The following FOCAD variants were observed in gnomAD, a reference collection of about 807,000 sequenced individuals.
FOCAD encodes the protein focadhesin, also known as KIAA1797.
In FOCAD, 198 loss-of-function variants were observed where a neutral mutation model predicts 225.6. The ratio of observed to expected loss-of-function variants is 0.88; its 90% CI spans 0.78 to 0.99. The LOEUF is 0.99. Among genes scored for constraint, FOCAD ranks in the 50% least tolerant of loss-of-function variants. FOCAD has a pLI of 0.00. For synonymous variants in FOCAD, 897 were observed against 755.0 expected, an observed-to-expected ratio of 1.19 and a Z score of -3.08; for missense variants, 2,713 against 2,123.6, an observed-to-expected ratio of 1.28 and a Z score of -5.46.
intron 27 of FOCAD, 65 bp downstream of exon 27, chr9:20,929,661 A>G (rs1835285057): frequency 5.5e-6 from 7 of 1,271,340 alleles, no homozygotes; most frequent in South Asian, 2.5e-5. Flanking sequence ...TTTTGCACCC[A>G]TATGCACCTA....
chr9:20,989,738 A>G (rs1048654309), intron 41 of FOCAD, among the ~76,000 whole-genome samples: 8 of 152,230 alleles, frequency 5.3e-5, no homozygotes, highest in Non-Finnish European at 1.0e-4. Context: ...AGTTTTGCCC[A>G]CATAACCATA....
intron 15 of FOCAD, among the ~76,000 whole-genome samples, chr9:20,845,833 T>A (rs1227921619): frequency 6.6e-6 from 1 of 152,118 alleles, no homozygotes; most frequent in Non-Finnish European, 1.5e-5. Flanking sequence ...AAATTTCTGA[T>A]TCTTTCATTT....
chr9:20,680,538 A>G (rs1822370864), upstream of FOCAD, among the ~76,000 whole-genome samples: 1 of 152,202 alleles, frequency 6.6e-6, no homozygotes, highest in Admixed American at 6.5e-5. Flanking sequence ...CTGGCAACAG[A>G]GCAAGACTCT....
intron 15 of FOCAD, among the ~76,000 whole-genome samples, chr9:20,838,500 T>G: frequency 6.6e-6 from 1 of 152,156 alleles, no homozygotes; most frequent in Non-Finnish European, 1.5e-5. Flanking sequence ...CATATGACTT[T>G]GATCTGAAAT....
chr9:20,756,630 T>C (rs1387638510), intron 5 of FOCAD, among the ~76,000 whole-genome samples: 2 of 152,214 alleles, frequency 1.3e-5, no homozygotes, highest in Non-Finnish European at 2.9e-5. Flanking sequence ...ACCACTGCTT[T>C]ATAGCAGTGC....
At position 20,906,016 on chromosome 9, in the gene FOCAD, A is replaced by G. The variant is rs183654372; in HGVS notation, c.2626-1134A>G. On this transcript the variant is annotated intron_variant, in intron 21 of 43. Coordinates refer to ENST00000338382, the MANE Select transcript of FOCAD (RefSeq NM_001375567.1). ...TAATCTCTTTGTTCTTTTTATTCCC[A>G]TGGATTCTTCCTATTTGTGTCCATT... 6.6e-5 allele frequency among the ~76,000 whole-genome samples: 10 copies of G among 151,298 alleles called. No homozygotes were observed. In the East Asian group the frequency reaches 1.6e-3, roughly 24 times the overall value.
intron 11 of FOCAD, among the ~76,000 whole-genome samples, chr9:20,808,155 G>C (rs1822665143): frequency 6.6e-6 from 1 of 152,202 alleles, no homozygotes; most frequent in Non-Finnish European, 1.5e-5. Context: ...AAGAACAGGA[G>C]TTTTTCAAAT....
intron 16 of FOCAD, chr9:20,863,647 T>C (rs1828977586): frequency 6.6e-6 from 1 of 152,102 alleles, no homozygotes; most frequent in Non-Finnish European, 1.5e-5. Context: ...AAGAATCAAT[T>C]TGTGACTGTG....
intron 28 of FOCAD, among the ~76,000 whole-genome samples, chr9:20,937,976 A>G (rs1836173651): frequency 6.6e-6 from 1 of 152,200 alleles, no homozygotes; most frequent in Non-Finnish European, 1.5e-5. Flanking sequence ...GACACATGAA[A>G]AAATGCTCAT....
chr9:20,962,413 C>T (rs10964767), intron 35 of FOCAD, among the ~76,000 whole-genome samples: 84 of 88,976 alleles, frequency 9.4e-4, no homozygotes, highest in Non-Finnish European at 1.8e-3. Flanking sequence ...TATATATACA[C>T]ACACACATAC....
intron 15 of FOCAD, among the ~76,000 whole-genome samples, chr9:20,862,194 T>C (rs1828831494): frequency 6.6e-6 from 1 of 152,112 alleles, no homozygotes; most frequent in Admixed American, 6.6e-5. Flanking sequence ...TGTGGATACC[T>C]GGCTTTAGAA....
chr9:20,759,041 C>G (rs1351115941), intron 6 of FOCAD, among the ~76,000 whole-genome samples: 1 of 151,988 alleles, frequency 6.6e-6, no homozygotes, highest in Non-Finnish European at 1.5e-5. Context: ...AATAAAATAC[C>G]TAGGAATCCA....
At chr9:20,814,624 C>A (rs1489663527) in intron 11 of FOCAD, among the ~76,000 whole-genome samples, 1 of 152,012 alleles carries the variant, frequency 6.6e-6, no homozygotes, top group African/African-American at 2.4e-5. Context: ...TCCCAGAGTA[C>A]TGAGATTACA....
chr9:20,838,443 G>A (rs1826200824), intron 15 of FOCAD, among the ~76,000 whole-genome samples: 1 of 151,974 alleles, frequency 6.6e-6, no homozygotes, highest in Non-Finnish European at 1.5e-5. Flanking sequence ...CTCTACTTAT[G>A]TAAATTGTCA....
intron 24 of FOCAD, among the ~76,000 whole-genome samples, chr9:20,922,704 G>A (rs1433884040): frequency 1.3e-5 from 2 of 152,192 alleles, no homozygotes; most frequent in African/African-American, 2.4e-5. Flanking sequence ...ATTCGGGTTT[G>A]AAGTCCAAAT....
At position 20,949,642 on chromosome 9, in the gene FOCAD, C is replaced by T. The variant is rs1837507892; in HGVS notation, c.3915C>T (p.Gly1305=). The change falls in exon 33 of 44, where the codon GGC becomes GGT. Residue 1305 remains glycine (G), a synonymous_variant. Transcript: ENST00000338382. Reference sequence around the variant, plus strand: ...CCATCCAGACCTCTCATTTTCAAGGCAGACTTAATGAAGTCATTAGAACCT... The same window carrying T: ...CCATCCAGACCTCTCATTTTCAAGGTAGACTTAATGAAGTCATTAGAACCT... ...SEAIQTSHFQ[G]RLNEVIRTLT... is the part of the protein sequence containing the mutation. 2 of 1,613,024 alleles carry T rather than the reference C, an allele frequency of 1.2e-6. No individual in the cohort carries two copies. Among genetic ancestry groups the T allele is most frequent in the Non-Finnish European group, 1.7e-6 (2 of 1,179,372 alleles).
intron 21 of FOCAD, among the ~76,000 whole-genome samples, chr9:20,904,705 C>T (rs1348114613): frequency 6.6e-6 from 1 of 151,996 alleles, no homozygotes; most frequent in Non-Finnish European, 1.5e-5. Context: ...AAAAATTTCA[C>T]ACATTCATTA....
intron 23 of FOCAD, among the ~76,000 whole-genome samples, chr9:20,913,691 A>C (rs1833635969): frequency 6.6e-6 from 1 of 152,182 alleles, no homozygotes; most frequent in South Asian, 2.1e-4. Context: ...GTATTTGATT[A>C]ATTGTATTCT....
intron 28 of FOCAD, among the ~76,000 whole-genome samples, chr9:20,937,484 T>C (rs971013869): frequency 3.3e-5 from 5 of 151,694 alleles, no homozygotes; most frequent in Non-Finnish European, 7.4e-5. Context: ...GGGGAAAGGA[T>C]TCCCTATTTA....
Sources: allele counts gnomAD v4.1 joint callset (sites outside exome capture counted in the v4.1 genomes callset), GRCh38; gene constraint gnomAD v4.1.1; transcripts MANE v1.5; gene names NCBI Gene and HGNC (gene_info 2026-07-23, HGNC 2026-07-21).